The following CFAP206 variants were observed in gnomAD, a reference collection of about 807,000 sequenced individuals.
The protein encoded by CFAP206 is cilia and flagella associated protein 206.
A neutral mutation model predicts 65.4 loss-of-function variants in CFAP206; 53 were observed. The observed-to-expected ratio is 0.81, with a 90% CI of 0.65 to 1.02. The LOEUF (loss-of-function observed/expected upper bound fraction) is 1.02, where lower values mean the gene tolerates loss of function less well. Ranked by LOEUF, CFAP206 falls within the 50% of genes least tolerant of loss-of-function variation. The pLI, the probability that CFAP206 is intolerant of heterozygous loss-of-function variation, is 0.00. For synonymous variants in CFAP206, 250 were observed against 254.4 expected, an observed-to-expected ratio of 0.98 and a Z score of 0.17; for missense variants, 663 against 753.2, an observed-to-expected ratio of 0.88 and a Z score of 1.40.
intron 11 of CFAP206, among the ~76,000 whole-genome samples, chr6:87,456,733 G>A (rs1235806685): frequency 6.6e-6 from 1 of 152,146 alleles, no homozygotes; most frequent in Non-Finnish European, 1.5e-5. Flanking sequence ...CAAAGAATCT[G>A]AAAGAAATCA....
chr6:87,413,674 A>C, intron 3 of CFAP206, 136 bp from the exon 4 acceptor site: 1 of 581,208 alleles, frequency 1.7e-6, no homozygotes, highest in Non-Finnish European at 2.9e-6. Flanking sequence ...AAGGAGAAAA[A>C]AAAAATAAAA....
At chr6:87,450,191 G>A (rs554065163) in intron 11 of CFAP206, among the ~76,000 whole-genome samples, 29 of 152,076 alleles carry the variant, frequency 1.9e-4, no homozygotes, top group Non-Finnish European at 3.7e-4. Context: ...GTTTTTATGC[G>A]AATACCATGC....
At position 87,431,067 on chromosome 6, in the gene CFAP206, A is replaced by G. The variant is rs757058766; in HGVS notation, c.1194A>G (p.Leu398=). 9 of 1,613,902 alleles carry G rather than the reference A, an allele frequency of 5.6e-6. No individual in the cohort carries two copies. Among genetic ancestry groups the G allele is most frequent in the Non-Finnish European group, 7.6e-6 (9 of 1,179,868 alleles). ...DRVNVADFRK[L]EWLFPETTAN... ...TAAATGTGGCAGATTTCAGAAAACT[A>G]GAATGGCTTTTCCCAGAAACAACAG... The change falls in exon 10 of 13, where the codon CTA becomes CTG. Residue 398 remains leucine (L), a synonymous_variant. Transcript: ENST00000369562.
At chr6:87,416,599 CGTT>C (rs1241272151) in intron 5 of CFAP206, 67 bp from the exon 6 acceptor site, 3 of 1,399,756 alleles carry the variant, frequency 2.1e-6, no homozygotes, top group Non-Finnish European at 2.9e-6. Context: ...TAAAGAAAAA[CGTT>C]ATTTAACGTC....
At chr6:87,457,015 TGGCA>T (rs1582152917) in intron 11 of CFAP206, among the ~76,000 whole-genome samples, 1 of 151,820 alleles carries the variant, frequency 6.6e-6, no homozygotes, top group Non-Finnish European at 1.5e-5. Flanking sequence ...CCACGCGTGG[TGGCA>T]GGTGCCTGTT....
At chr6:87,457,188 C>T (rs1027647269) in intron 11 of CFAP206, among the ~76,000 whole-genome samples, 4 of 148,922 alleles carry the variant, frequency 2.7e-5, no homozygotes, top group African/African-American at 9.9e-5. Flanking sequence ...GAAGAGGACA[C>T]AAAGCAACAT....
chr6:87,409,684 A>T (rs985519214), intron 1 of CFAP206, among the ~76,000 whole-genome samples, 151 bp from the exon 2 acceptor site: 1 of 152,202 alleles, frequency 6.6e-6, no homozygotes, highest in Admixed American at 6.5e-5. Context: ...AATGAAAAAC[A>T]GGAGAGGCCT....
Position 87,409,856 on chromosome 6 carries a change from C to A in CFAP206, c.17C>A (p.Ala6Asp). The change falls in exon 2 of 13, where the codon GCC (alanine) becomes GAC (aspartate). Residue 6 changes from alanine to aspartate, a missense_variant. Transcript: ENST00000369562. The stretch of plus-strand genomic sequence containing the variant: ...TTAGCCAGAATGCCTCCAACTCAGG[C>A]CGAAAGTGTTATAAGGAGTATTATA... MPPTQ[A>D]ESVIRSIIRE... 1.9e-6 allele frequency: 3 copies of A among 1,611,222 alleles called. No individual in the cohort carries two copies. Among genetic ancestry groups the A allele is most frequent in the Non-Finnish European group, 2.5e-6 (3 of 1,179,008 alleles).
chr6:87,408,638 C>T (rs1434934479), intron 1 of CFAP206: 2 of 152,298 alleles, frequency 1.3e-5, no homozygotes, highest in Non-Finnish European at 2.9e-5. Context: ...CTGGCACTTG[C>T]GCATGCGCTG....
At chr6:87,454,844 C>CAAAAA (rs200119526) in intron 11 of CFAP206, among the ~76,000 whole-genome samples, 3 of 89,674 alleles carry the variant, frequency 3.3e-5, no homozygotes, top group East Asian at 6.8e-4. Context: ...GACTCTGTCT[C>CAAAAA]AAAAAAAAAA....
rs181852813 is a variant in CFAP206 at position 87,416,312 on chromosome 6, G to A, written c.473-357G>A. On this transcript the variant is annotated intron_variant, in intron 5 of 12. Coordinates refer to ENST00000369562, the MANE Select transcript of CFAP206 (RefSeq NM_001031743.3). ...TTTGCCCTCTTTCATCCTTTAAAAT[G>A]AGGAATAGGAAAAATGTCTAGCTCT... 1.0e-3 allele frequency among the ~76,000 whole-genome samples: 155 copies of A among 152,272 alleles called. 1 individual carries two copies. Among genetic ancestry groups the A allele is most frequent in the African/African-American group, 3.3e-3 (136 of 41,566 alleles).
chr6:87,457,955 G>A (rs185196991), intron 11 of CFAP206, among the ~76,000 whole-genome samples: 1 of 152,166 alleles, frequency 6.6e-6, no homozygotes, highest in Non-Finnish European at 1.5e-5. Flanking sequence ...TATATAAGGA[G>A]CTCAAACAAC....
rs1367159237 is a variant in CFAP206, at chr6:87,418,227, A to G, written c.651A>G (p.Val217=). Reference sequence around the variant, plus strand: ...AAACAGTGCCAGCTGTTCTCCATGTAGCAATCCCAGCCACCATGCAGCATA... The same window carrying G: ...AAACAGTGCCAGCTGTTCTCCATGTGGCAATCCCAGCCACCATGCAGCATA... ...GIDDLPAVLH[V]AIPATMQHID... Residue 217 remains valine, a synonymous_variant, in exon 7 of 13, where the codon GTA becomes GTG. Coordinates refer to ENST00000369562, the MANE Select transcript of CFAP206 (RefSeq NM_001031743.3). 6.2e-7 allele frequency: 1 copy of G among 1,613,972 alleles called. No homozygotes were observed. The highest frequency in any genetic ancestry group is 2.2e-5 in the East Asian group (1 of 44,896).
intron 4 of CFAP206, among the ~76,000 whole-genome samples, chr6:87,414,359 C>T (rs1054765920): frequency 2.0e-5 from 3 of 152,128 alleles, no homozygotes; most frequent in Non-Finnish European, 4.4e-5. Context: ...TGCAGTGGCA[C>T]GATCCACAGA....
rs942996119 is a variant in CFAP206, at chr6:87,410,636, C to G, written c.160C>G (p.Leu54Val). 1 of 1,613,830 alleles carries G rather than the reference C, an allele frequency of 6.2e-7. No individual in the cohort carries two copies. The highest frequency in any genetic ancestry group is 8.5e-7 in the Non-Finnish European group (1 of 1,179,956). ...TAATGGCTTTAACATGGATAGAACC[C>G]TCATGAAAAGTGATGTGCAGAATCT... ...PSNGFNMDRT[L>V]MKSDVQNLVK... Residue 54 changes from leucine to valine, a missense_variant, in exon 3 of 13, where the codon CTC becomes GTC. By Grantham distance (32) the Leu-to-Val change is conservative (BLOSUM62 1). Coordinates refer to ENST00000369562, the MANE Select transcript of CFAP206 (RefSeq NM_001031743.3).
chr6:87,441,180 G>A, intron 11 of CFAP206: 1 of 296,460 alleles, frequency 3.4e-6, no homozygotes, highest in Non-Finnish European at 5.3e-6. Context: ...TCTGCTGTTG[G>A]CTGCTTCTTA....
intron 8 of CFAP206, among the ~76,000 whole-genome samples, chr6:87,427,160 C>T (rs1215471466): frequency 1.3e-5 from 2 of 152,126 alleles, no homozygotes; most frequent in East Asian, 3.8e-4. Context: ...TACTTCAAGA[C>T]GGAGTCTCGC....
chr6:87,445,355 C>T (rs1460104146), intron 11 of CFAP206, among the ~76,000 whole-genome samples: 1 of 151,928 alleles, frequency 6.6e-6, no homozygotes, highest in Non-Finnish European at 1.5e-5. Flanking sequence ...CTGATGCTCT[C>T]CTTCTCCTTG....
At chr6:87,444,746 C>T in intron 11 of CFAP206, 2 of 444,150 alleles carry the variant, frequency 4.5e-6, no homozygotes, top group South Asian at 1.8e-5. Context: ...TGGTTTTGCT[C>T]ATACTTTCTC....
Sources: allele counts gnomAD v4.1 joint callset (sites outside exome capture counted in the v4.1 genomes callset), GRCh38; gene constraint gnomAD v4.1.1; transcripts MANE v1.5; gene names NCBI Gene and HGNC (gene_info 2026-07-23, HGNC 2026-07-21).